The following YPEL1 variants were observed in gnomAD, a reference collection of about 807,000 sequenced individuals.
YPEL1 encodes the protein yippee like 1.
A neutral mutation model predicts 17.3 loss-of-function variants in YPEL1; 7 were observed. The observed-to-expected ratio is 0.40, with a 90% CI of 0.23 to 0.76. YPEL1 has a LOEUF of 0.76. Ranked by LOEUF, YPEL1 falls within the 30% of genes least tolerant of loss-of-function variation. The probability of loss-of-function intolerance (pLI) is 0.35; values close to 1 mark genes in which losing one functional copy is unlikely to be tolerated. For missense variants in YPEL1, 91 were observed against 155.5 expected, an observed-to-expected ratio of 0.59 and a Z score of 2.21; for synonymous variants, 59 against 59.6, an observed-to-expected ratio of 0.99 and a Z score of 0.05.
intron 2 of YPEL1, among the ~76,000 whole-genome samples, chr22:21,709,904 G>A (rs999577279): frequency 2.0e-5 from 3 of 151,468 alleles, no homozygotes; most frequent in African/African-American, 7.3e-5. Flanking sequence ...AGGATCGGTG[G>A]TCATGACGTA....
intron 2 of YPEL1, among the ~76,000 whole-genome samples, chr22:21,704,658 G>GGA (rs762109589): frequency 2.3e-5 from 2 of 88,164 alleles, no homozygotes; most frequent in Admixed American, 1.3e-4. Flanking sequence ...ACCCCGTCTC[G>GGA]AAAAAAAAAA....
At chr22:21,728,008 C>T (rs927797917) in intron 1 of YPEL1, among the ~76,000 whole-genome samples, 6 of 152,080 alleles carry the variant, frequency 3.9e-5, no homozygotes, top group Non-Finnish European at 5.9e-5. Flanking sequence ...CTGGGCGTGG[C>T]GATGAAGGGG....
Position 21,703,592 on chromosome 22 carries a change from T to C in YPEL1, c.162-114A>G. 6 of 1,007,842 alleles carry C rather than the reference T, an allele frequency of 6.0e-6. No individual in the cohort carries two copies. Among genetic ancestry groups the C allele is most frequent in the Non-Finnish European group, 8.9e-6 (6 of 674,802 alleles). The allele number at this position is 1,007,842 out of a possible 1,614,324, so 62.4% of individuals were successfully genotyped here. On this transcript the variant is annotated intron_variant, in intron 3 of 4. Transcript: ENST00000339468. The surrounding 1 kb of genome is among the most constrained non-coding windows in gnomAD (Gnocchi z 6.1). ...AAGAGTTCCCCCAAAACAGGGAAAC[T>C]CCCAGAGAGCAGTGCCGTGCCTCTC...
intron 2 of YPEL1, among the ~76,000 whole-genome samples, chr22:21,707,920 G>C (rs2068128920): frequency 6.6e-6 from 1 of 152,174 alleles, no homozygotes; most frequent in Admixed American, 6.5e-5. Context: ...ATAAACAGGT[G>C]GTGTGGCAGA....
At chr22:21,708,603 G>A (rs2068135456) in intron 2 of YPEL1, among the ~76,000 whole-genome samples, 1 of 149,082 alleles carries the variant, frequency 6.7e-6, no homozygotes, top group Non-Finnish European at 1.5e-5. Context: ...GCCTTCCAAA[G>A]TTCTGGGATT....
chr22:21,703,624 C>T lies in YPEL1; in HGVS notation c.162-146G>A. Reference sequence around the variant, plus strand: ...GAGCAGTGCCGTGCCTCTCCCCCAGCCCTGCCCGCCACCACCATCAATGGG... The same window carrying T: ...GAGCAGTGCCGTGCCTCTCCCCCAGTCCTGCCCGCCACCACCATCAATGGG... On this transcript the variant is annotated intron_variant, in intron 3 of 4. Transcript: ENST00000339468. The surrounding 1 kb of genome is among the most constrained non-coding windows in gnomAD (Gnocchi z 6.1). 1 of 839,914 alleles carries T rather than the reference C, an allele frequency of 1.2e-6. No homozygotes were observed. Among genetic ancestry groups the T allele is most frequent in the Admixed American group, 2.4e-5 (1 of 40,956 alleles). The allele number at this position is 839,914 out of a possible 1,614,324, so 52.0% of individuals were successfully genotyped here.
chr22:21,726,490 C>A (rs755195400), intron 1 of YPEL1, among the ~76,000 whole-genome samples: 1 of 152,174 alleles, frequency 6.6e-6, no homozygotes, highest in Non-Finnish European at 1.5e-5. Flanking sequence ...GTGCTCTCCG[C>A]TCTCGGTCCC....
rs1410246856 is a variant in YPEL1 at position 21,698,028 on chromosome 22, T to C, written c.*3101A>G. ...TCCTACAGCAAATGCACTGTGCCAT[T>C]TATAACCCTGACATCACCTCCCAAG... is the stretch of plus-strand genomic sequence containing the variant. On this transcript the variant is annotated 3_prime_UTR_variant, in exon 5 of 5. Transcript: ENST00000339468. 6.6e-6 allele frequency: 1 copy of C among 152,288 alleles called. No homozygotes were observed. Among genetic ancestry groups the C allele is most frequent in the Non-Finnish European group, 1.5e-5 (1 of 68,032 alleles). The allele number at this position is 152,288 out of a possible 1,614,324, so 9.4% of individuals were successfully genotyped here. A position where few individuals can be genotyped will look rare whatever the true frequency, so the allele number is the denominator to read the frequency against.
intron 1 of YPEL1, among the ~76,000 whole-genome samples, chr22:21,720,723 C>T (rs1238683102): frequency 1.3e-5 from 2 of 151,284 alleles, no homozygotes; most frequent in Non-Finnish European, 2.9e-5. Flanking sequence ...CTCCTGACCT[C>T]ACATGATCCA....
intron 1 of YPEL1, among the ~76,000 whole-genome samples, chr22:21,728,506 T>C (rs1394730615): frequency 6.6e-6 from 1 of 152,138 alleles, no homozygotes; most frequent in African/African-American, 2.4e-5. Context: ...ATGCGTGTCC[T>C]TATTAGCCCC....
chr22:21,721,012 T>C (rs562913014), intron 1 of YPEL1, among the ~76,000 whole-genome samples: 1 of 152,006 alleles, frequency 6.6e-6, no homozygotes, highest in Admixed American at 6.6e-5. Context: ...TGTTTCACCA[T>C]GTTGGCCAGG....
chr22:21,716,881 C>G lies in YPEL1; in HGVS notation c.-164-5973G>C, dbSNP rs140390640. On this transcript the variant is annotated intron_variant, in intron 1 of 4. Coordinates refer to ENST00000339468, the MANE Select transcript of YPEL1 (RefSeq NM_013313.5). ...TGAGGCTCCTCCACTTACCTGTACT[C>G]ACGGAGGGAACCGATGAGCTTGAGA... 6.2e-4 allele frequency among the ~76,000 whole-genome samples: 94 copies of G among 152,282 alleles called. 1 individual carries two copies. The East Asian group carries it at 0.018, about 29-fold the overall frequency.
chr22:21,731,369 T>A (rs2068384302), intron 1 of YPEL1, among the ~76,000 whole-genome samples: 1 of 150,872 alleles, frequency 6.6e-6, no homozygotes, highest in Non-Finnish European at 1.5e-5. Context: ...GTGTAGGAAC[T>A]ATGTGCAACA....
chr22:21,702,026 A>AAAC (rs369612843), intron 4 of YPEL1, among the ~76,000 whole-genome samples: 1 of 48,652 alleles, frequency 2.1e-5, no homozygotes, highest in African/African-American at 7.7e-5. Context: ...CTGTCTCAAA[A>AAAC]AACAACAACA....
At chr22:21,710,188 C>T (rs1431780148) in intron 2 of YPEL1, among the ~76,000 whole-genome samples, 7 of 152,126 alleles carry the variant, frequency 4.6e-5, no homozygotes, top group Non-Finnish European at 2.9e-5. Flanking sequence ...CCTACACAAC[C>T]GACAAACGCA....
chr22:21,714,029 G>A (rs373338868), intron 1 of YPEL1, among the ~76,000 whole-genome samples: 71 of 152,208 alleles, frequency 4.7e-4, no homozygotes, highest in African/African-American at 1.7e-3. Flanking sequence ...TGCTCCTCCT[G>A]AGATGCACCC....
At chr22:21,715,103 C>T (rs1170386690) in intron 1 of YPEL1, among the ~76,000 whole-genome samples, 1 of 151,786 alleles carries the variant, frequency 6.6e-6, no homozygotes, top group Non-Finnish European at 1.5e-5. Flanking sequence ...ATGCCATATA[C>T]ACACACACAC....
At position 21,707,080 on chromosome 22, in the gene YPEL1, C is replaced by T. The variant is rs898061254; in HGVS notation, c.118-3198G>A. Among the ~76,000 whole-genome samples the T allele has an allele frequency of 2.6e-5, 4 of 152,084 alleles. No homozygotes were observed. In the East Asian group the frequency reaches 5.8e-4, roughly 22 times the overall value. On this transcript the variant is annotated intron_variant, in intron 2 of 4. Coordinates refer to ENST00000339468, the MANE Select transcript of YPEL1 (RefSeq NM_013313.5). ...AAGCAAGTCTCCTCGTTTACACATA[C>T]ACATTATTTTAATGTGATTATGTGC...
rs113298101 is a variant in YPEL1, at chr22:21,719,749, C to T, written c.-164-8841G>A. ...AAAATACAAAAATTAGCCAGGCGGC[C>T]GGACGCGGTGGCTCACGCCTGGAAT... On this transcript the variant is annotated intron_variant, in intron 1 of 4. Coordinates refer to ENST00000339468, the MANE Select transcript of YPEL1 (RefSeq NM_013313.5). Among the ~76,000 whole-genome samples, 814 of 151,974 alleles carry T rather than the reference C, an allele frequency of 5.4e-3. 6 individuals are homozygous for T. The highest frequency in any genetic ancestry group is 0.019 in the African/African-American group (787 of 41,446).
Sources: gnomAD v4.1 joint callset for allele counts (sites outside exome capture counted in the v4.1 genomes callset) on GRCh38, gnomAD v4.1.1 for gene constraint, Gnocchi (gnomAD v3.1) non-coding constraint, MANE v1.5 for transcripts, NCBI Gene and HGNC (gene_info 2026-07-23, HGNC 2026-07-21) for gene names.